SWAP70: variants seen among roughly 807,000 people sequenced by gnomAD.
The protein encoded by SWAP70 is switch-associated protein 70.
SWAP70 carries 34 observed loss-of-function variants against 80.2 expected under a neutral mutation model. The ratio of observed to expected loss-of-function variants is 0.42; its 90% CI spans 0.32 to 0.56. SWAP70 has a LOEUF of 0.56. Among genes scored for constraint, SWAP70 ranks in the 20% least tolerant of loss-of-function variants. SWAP70 has a pLI of 0.09. For missense variants in SWAP70, 578 were observed against 690.7 expected, an observed-to-expected ratio of 0.84 and a Z score of 1.83; for synonymous variants, 239 against 238.5, an observed-to-expected ratio of 1.00 and a Z score of -0.02.
chr11:9,673,214 C>CCT (rs1850442755), intron 1 of SWAP70, among the ~76,000 whole-genome samples: 1 of 152,330 alleles, frequency 6.6e-6, no homozygotes, highest in Non-Finnish European at 1.5e-5. Context: ...TTCTGATGGA[C>CCT]CAGCTTCAAG....
chr11:9,676,594 TG>T (rs1850503645), intron 1 of SWAP70, among the ~76,000 whole-genome samples: 1 of 152,140 alleles, frequency 6.6e-6, no homozygotes, highest in Admixed American at 6.5e-5. Flanking sequence ...TAAGTTACAT[TG>T]TTTAAGGAAT....
intron 2 of SWAP70, among the ~76,000 whole-genome samples, chr11:9,699,123 G>C (rs1850799289): frequency 6.6e-6 from 1 of 152,168 alleles, no homozygotes; most frequent in Admixed American, 6.5e-5. Flanking sequence ...CAAGTAAATA[G>C]AGATACAAAG....
intron 2 of SWAP70, among the ~76,000 whole-genome samples, chr11:9,695,218 C>T (rs1446501363): frequency 2.6e-5 from 4 of 151,776 alleles, no homozygotes; most frequent in Middle Eastern, 3.4e-3. Flanking sequence ...TGCTTGAACC[C>T]GGGAGGTAGA....
intron 4 of SWAP70, among the ~76,000 whole-genome samples, chr11:9,726,694 A>G (rs1351072655): frequency 6.6e-6 from 1 of 152,240 alleles, no homozygotes; most frequent in Non-Finnish European, 1.5e-5. Flanking sequence ...CGCTATCAGC[A>G]CCTGTAGATT....
At chr11:9,686,156 T>C (rs1419408408) in intron 1 of SWAP70, among the ~76,000 whole-genome samples, 1 of 151,810 alleles carries the variant, frequency 6.6e-6, no homozygotes, top group Non-Finnish European at 1.5e-5. Flanking sequence ...AAGTAAAACA[T>C]TCAAATTCTA....
chr11:9,696,756 C>T (rs2134450736), intron 2 of SWAP70, among the ~76,000 whole-genome samples: 1 of 152,146 alleles, frequency 6.6e-6, no homozygotes, highest in East Asian at 1.9e-4. Context: ...TGAATTCCTC[C>T]TTTTGCCTAT....
At chr11:9,686,845 T>C (rs1173752847) in intron 1 of SWAP70, among the ~76,000 whole-genome samples, 3 of 152,224 alleles carry the variant, frequency 2.0e-5, no homozygotes, top group Non-Finnish European at 4.4e-5. Flanking sequence ...CATTGTACAA[T>C]GCGTAGGTTA....
intron 1 of SWAP70, among the ~76,000 whole-genome samples, chr11:9,678,229 G>GATCA (rs1850524603): frequency 6.6e-6 from 1 of 152,172 alleles, no homozygotes; most frequent in African/African-American, 2.4e-5. Context: ...TGGGGTTGGG[G>GATCA]ATCAGAGTCT....
intron 4 of SWAP70, among the ~76,000 whole-genome samples, chr11:9,727,205 T>G (rs563318310): frequency 6.6e-6 from 1 of 150,630 alleles, no homozygotes; most frequent in Non-Finnish European, 1.5e-5. Context: ...CTGGCCAACA[T>G]GTTGAAACCC....
chr11:9,727,033 T>C, intron 4 of SWAP70: 1 of 451,106 alleles, frequency 2.2e-6, no homozygotes, highest in South Asian at 1.6e-5. Flanking sequence ...GCATTTTCAT[T>C]GATTGAGGTT....
intron 1 of SWAP70, among the ~76,000 whole-genome samples, chr11:9,689,496 G>C (rs115414421): frequency 0.011 from 1,737 of 152,328 alleles, 35 homozygotes; most frequent in African/African-American, 0.039. Flanking sequence ...CAGAATGAGA[G>C]CAAAGCTGCT....
At chr11:9,700,036 G>A (rs1256506680) in intron 2 of SWAP70, among the ~76,000 whole-genome samples, 1 of 152,038 alleles carries the variant, frequency 6.6e-6, no homozygotes, top group Non-Finnish European at 1.5e-5. Context: ...GAGAAACATG[G>A]TTTAATATCT....
chr11:9,736,476 T>C, intron 7 of SWAP70, among the ~76,000 whole-genome samples: 1 of 135,078 alleles, frequency 7.4e-6, no homozygotes, highest in Non-Finnish European at 1.5e-5. Flanking sequence ...TGGTAGCAAC[T>C]CTGGATTCTG....
chr11:9,736,972 G>T (rs1851371229), intron 7 of SWAP70, among the ~76,000 whole-genome samples: 1 of 152,188 alleles, frequency 6.6e-6, no homozygotes, highest in African/African-American at 2.4e-5. Context: ...ACTTTGGGAG[G>T]ACAGGGTGGG....
chr11:9,725,125 G>A, intron 4 of SWAP70: 1 of 452,728 alleles, frequency 2.2e-6, no homozygotes, highest in South Asian at 3.0e-5. Context: ...TTGAAGGCAT[G>A]CACCCCCATG....
Position 9,750,267 on chromosome 11 carries a change from G to A in SWAP70, c.*297G>A, listed in dbSNP as rs1198365903. On this transcript the variant is annotated 3_prime_UTR_variant, in exon 12 of 12. Transcript: ENST00000318950. ...GAGGCAGGAGAATCACTTGAACGTGGGAGGCGGAGGTTGCAGCGAGCTGAG... is the reference window on the plus strand; with the variant it reads ...GAGGCAGGAGAATCACTTGAACGTGAGAGGCGGAGGTTGCAGCGAGCTGAG... 4 of 216,424 alleles carry A rather than the reference G, an allele frequency of 1.8e-5. No individual in the cohort carries two copies. The highest frequency in any genetic ancestry group is 1.9e-5 in the Non-Finnish European group (2 of 104,504). The allele number at this position is 216,424 out of a possible 1,614,324, so 13.4% of individuals were successfully genotyped here. A position where few individuals can be genotyped will look rare whatever the true frequency, so the allele number is the denominator to read the frequency against.
chr11:9,716,958 G>T (rs1851074250), intron 3 of SWAP70, among the ~76,000 whole-genome samples: 1 of 152,160 alleles, frequency 6.6e-6, no homozygotes, highest in Admixed American at 6.5e-5. Flanking sequence ...AACTGAGAGA[G>T]TGCTGAGTCA....
At chr11:9,671,765 T>TTTAGA (rs1565109895) in intron 1 of SWAP70, among the ~76,000 whole-genome samples, 1 of 47,968 alleles carries the variant, frequency 2.1e-5, no homozygotes, top group Non-Finnish European at 3.7e-5. Flanking sequence ...TATAAATATA[T>TTTAGA]AATATAAATA....
intron 4 of SWAP70, among the ~76,000 whole-genome samples, chr11:9,725,565 ATATAT>A (rs1347590913): frequency 0.021 from 367 of 17,328 alleles, no homozygotes; most frequent in Middle Eastern, 0.056. Context: ...ATATATATAT[ATATAT>A]TTTTTTTTTT....
Sources: allele counts gnomAD v4.1 joint callset (sites outside exome capture counted in the v4.1 genomes callset), GRCh38; gene constraint gnomAD v4.1.1; transcripts MANE v1.5; gene names NCBI Gene and HGNC (gene_info 2026-07-23, HGNC 2026-07-21).